Variants in DSE observed in about 807,000 individuals in gnomAD.
DSE encodes dermatan-sulfate epimerase.
In DSE, 36 loss-of-function variants were observed where a neutral mutation model predicts 84.4. The ratio of observed to expected loss-of-function variants is 0.43; its 90% CI spans 0.33 to 0.56. The LOEUF (loss-of-function observed/expected upper bound fraction) is 0.56, where lower values mean the gene tolerates loss of function less well. Among genes scored for constraint, DSE ranks in the 20% least tolerant of loss-of-function variants. The pLI is 0.06. For synonymous variants in DSE, 410 were observed against 430.1 expected (o/e 0.95, Z 0.58); for missense variants, 862 against 1,169.6 (o/e 0.74, Z 3.84).
chr6:116,290,750 T>TTG (rs1774226128), intron 2 of DSE, among the ~76,000 whole-genome samples: 1 of 152,108 alleles, frequency 6.6e-6, no homozygotes, highest in African/African-American at 2.4e-5. Flanking sequence ...ATCTACCCAT[T>TTG]TGTGGTCTCT....
chr6:116,331,343 G>T (rs1187272383), intron 2 of DSE, among the ~76,000 whole-genome samples: 1 of 152,182 alleles, frequency 6.6e-6, no homozygotes, highest in East Asian at 1.9e-4. Context: ...TACAATCATG[G>T]TGGAAGAGAA....
chr6:116,388,760 A>C (rs976048293), intron 1 of DSE, among the ~76,000 whole-genome samples: 4 of 152,106 alleles, frequency 2.6e-5, no homozygotes, highest in African/African-American at 9.7e-5. Context: ...CTGTGTAAGC[A>C]TGTTTTTATT....
intron 2 of DSE, among the ~76,000 whole-genome samples, chr6:116,408,501 C>G (rs1265554520): frequency 6.6e-6 from 1 of 152,152 alleles, no homozygotes; most frequent in African/African-American, 2.4e-5. Context: ...AGAGTCTAAG[C>G]TTACTGAGAG....
chr6:116,280,220 A>C, intron 2 of DSE: 1 of 305,610 alleles, frequency 3.3e-6, no homozygotes, highest in Non-Finnish European at 6.4e-6. Flanking sequence ...AGTGTCTGAA[A>C]ACAAATGTTT....
intron 2 of DSE, among the ~76,000 whole-genome samples, chr6:116,272,398 A>ATTTCCT (rs2114616510): frequency 6.6e-6 from 1 of 152,316 alleles, no homozygotes; most frequent in East Asian, 1.9e-4. Flanking sequence ...CTAAGAAATC[A>ATTTCCT]TTTCCTTTTT....
intron 1 of DSE, among the ~76,000 whole-genome samples, chr6:116,398,020 G>A (rs1367824367): frequency 6.6e-6 from 1 of 152,026 alleles, no homozygotes; most frequent in African/African-American, 2.4e-5. Flanking sequence ...TTTTTCCTTG[G>A]AAAAACAGTT....
chr6:116,345,436 A>G (rs527522204), intron 2 of DSE, among the ~76,000 whole-genome samples: 36 of 152,390 alleles, frequency 2.4e-4, no homozygotes, highest in South Asian at 8.3e-4. Context: ...CCACAGTGCA[A>G]TCAAACTAGA....
intron 2 of DSE, among the ~76,000 whole-genome samples, chr6:116,312,222 T>A (rs935147820): frequency 3.3e-5 from 5 of 152,216 alleles, no homozygotes; most frequent in Non-Finnish European, 7.3e-5. Flanking sequence ...GGATGACTTT[T>A]TATGCTTTTT....
chr6:116,354,076 T>G (rs1778457629), intron 2 of DSE, among the ~76,000 whole-genome samples: 1 of 152,152 alleles, frequency 6.6e-6, no homozygotes, highest in Non-Finnish European at 1.5e-5. Context: ...TCTACAGCAA[T>G]ACTTGGATAT....
chr6:116,431,264 G>C (rs1392372346), intron 4 of DSE, 71 bp downstream of exon 4: 1 of 1,562,268 alleles, frequency 6.4e-7, no homozygotes, highest in Non-Finnish European at 8.7e-7. Flanking sequence ...AAATGAGCTA[G>C]ACTAGGCAGA....
chr6:116,340,271 G>A (rs748662873), intron 2 of DSE, among the ~76,000 whole-genome samples: 1 of 151,896 alleles, frequency 6.6e-6, no homozygotes, highest in Non-Finnish European at 1.5e-5. Context: ...TATGTATATT[G>A]GTATACTTGA....
intron 2 of DSE, among the ~76,000 whole-genome samples, chr6:116,322,980 C>T (rs1175326030): frequency 1.3e-5 from 2 of 152,124 alleles, no homozygotes; most frequent in Non-Finnish European, 2.9e-5. Flanking sequence ...TAACCACCTG[C>T]AGAAAATAAT....
chr6:116,300,417 T>C (rs1051242576), intron 2 of DSE, among the ~76,000 whole-genome samples: 3 of 152,196 alleles, frequency 2.0e-5, no homozygotes, highest in Non-Finnish European at 2.9e-5. Flanking sequence ...ACAAGTTCCT[T>C]AAATTTCTGA....
chr6:116,391,538 G>A (rs1175434935), intron 1 of DSE, among the ~76,000 whole-genome samples: 3 of 151,982 alleles, frequency 2.0e-5, no homozygotes, highest in Admixed American at 6.6e-5. Context: ...AGGCTGAGGC[G>A]GGCGGATCAC....
chr6:116,272,487 C>T (rs963329162), intron 2 of DSE, among the ~76,000 whole-genome samples: 1 of 152,138 alleles, frequency 6.6e-6, no homozygotes, highest in African/African-American at 2.4e-5. Flanking sequence ...CAGGTTAATT[C>T]CATTCTGCAA....
At chr6:116,423,588 G>GT (rs1562302206) in intron 2 of DSE, among the ~76,000 whole-genome samples, 1 of 152,114 alleles carries the variant, frequency 6.6e-6, no homozygotes, top group African/African-American at 2.4e-5. Context: ...ATGTCTGTCT[G>GT]TTTTTTTAAA....
intron 2 of DSE, chr6:116,279,523 G>C: frequency 3.1e-6 from 5 of 1,607,790 alleles, no homozygotes; most frequent in Non-Finnish European, 4.2e-6. Context: ...TTCGGCGGGA[G>C]GCTGGCCCTC....
At chr6:116,294,562 A>G (rs1774536204) in intron 2 of DSE, among the ~76,000 whole-genome samples, 1 of 152,138 alleles carries the variant, frequency 6.6e-6, no homozygotes, top group African/African-American at 2.4e-5. Flanking sequence ...AAGATAGGAA[A>G]GCCATAAATA....
chr6:116,322,906 G>A (rs1384382090), intron 2 of DSE, among the ~76,000 whole-genome samples: 2 of 152,188 alleles, frequency 1.3e-5, no homozygotes, highest in African/African-American at 4.8e-5. Context: ...ACTCCATGTA[G>A]AGCAAGTTGG....
Sources: gnomAD v4.1 joint callset for allele counts (sites outside exome capture counted in the v4.1 genomes callset) on GRCh38, gnomAD v4.1.1 for gene constraint, MANE v1.5 for transcripts, NCBI Gene and HGNC (gene_info 2026-07-23, HGNC 2026-07-21) for gene names.